GPR39: variants seen among roughly 807,000 people sequenced by gnomAD.
GPR39 encodes the protein zinc sensing receptor.
GPR39 carries 23 observed loss-of-function variants against 18.4 expected under a neutral mutation model. The ratio of observed to expected loss-of-function variants is 1.25; its 90% CI spans 0.90 to 1.77. GPR39 has a LOEUF of 1.77. Among genes scored for constraint, GPR39 ranks in the 40% most tolerant of loss-of-function variants. The probability of loss-of-function intolerance (pLI) is 0.00; values close to 1 mark genes in which losing one functional copy is unlikely to be tolerated. For missense variants in GPR39, 647 were observed against 602.4 expected (o/e 1.07, Z -0.78); for synonymous variants, 280 against 257.9 (o/e 1.09, Z -0.82).
chr2:132,635,933 C>T (rs1439909338), intron 1 of GPR39, among the ~76,000 whole-genome samples: 10 of 152,146 alleles, frequency 6.6e-5, no homozygotes, highest in East Asian at 1.9e-4. Context: ...AGCCAGGAAG[C>T]GAGCCCTCAC....
At chr2:132,471,900 G>C (rs1681039760) in intron 1 of GPR39, among the ~76,000 whole-genome samples, 1 of 152,098 alleles carries the variant, frequency 6.6e-6, no homozygotes, top group Non-Finnish European at 1.5e-5. Flanking sequence ...CTGCAAGCCA[G>C]GCAGAATACC....
chr2:132,565,292 A>C (rs1174423125), intron 1 of GPR39, among the ~76,000 whole-genome samples: 1 of 152,110 alleles, frequency 6.6e-6, no homozygotes, highest in Non-Finnish European at 1.5e-5. Context: ...TCATAGTGAA[A>C]CATCGCTCAA....
At chr2:132,600,447 A>G (rs1237795955) in intron 1 of GPR39, among the ~76,000 whole-genome samples, 3 of 152,162 alleles carry the variant, frequency 2.0e-5, no homozygotes, top group Non-Finnish European at 2.9e-5. Context: ...AATGAATGAA[A>G]CATTTTTTAA....
intron 1 of GPR39, among the ~76,000 whole-genome samples, chr2:132,511,798 C>A (rs1679245682): frequency 6.6e-6 from 1 of 152,190 alleles, no homozygotes; most frequent in South Asian, 2.1e-4. Context: ...CTCTGTGAGG[C>A]AGGCATTGTT....
intron 1 of GPR39, among the ~76,000 whole-genome samples, chr2:132,418,235 G>A (rs1314922017): frequency 1.3e-5 from 2 of 152,116 alleles, no homozygotes; most frequent in Non-Finnish European, 2.9e-5. Flanking sequence ...AGAATATGAC[G>A]GACAAATTAG....
chr2:132,450,535 G>C (rs189322693), intron 1 of GPR39, among the ~76,000 whole-genome samples: 2 of 152,342 alleles, frequency 1.3e-5, no homozygotes, highest in African/African-American at 4.8e-5. Flanking sequence ...GCACATGTAA[G>C]GTACCAGAAA....
At chr2:132,434,490 A>C (rs1057480219) in intron 1 of GPR39, among the ~76,000 whole-genome samples, 7 of 152,164 alleles carry the variant, frequency 4.6e-5, no homozygotes, top group African/African-American at 1.7e-4. Flanking sequence ...GCCCTTGGCC[A>C]CTCAGAGCCC....
intron 1 of GPR39, among the ~76,000 whole-genome samples, chr2:132,564,121 C>T (rs1416429921): frequency 6.6e-6 from 1 of 152,224 alleles, no homozygotes; most frequent in Non-Finnish European, 1.5e-5. Context: ...CATATTTATC[C>T]TCCTGGCTGA....
At chr2:132,642,644 C>G (rs968886597) in intron 1 of GPR39, among the ~76,000 whole-genome samples, 1 of 152,210 alleles carries the variant, frequency 6.6e-6, no homozygotes, top group African/African-American at 2.4e-5. Context: ...TTTCACAAGC[C>G]TGCCTTATCT....
intron 1 of GPR39, among the ~76,000 whole-genome samples, chr2:132,621,661 G>A (rs1269905758): frequency 1.3e-5 from 2 of 152,140 alleles, no homozygotes; most frequent in African/African-American, 2.4e-5. Context: ...CAGAAGGTTT[G>A]AGTATGGTGG....
At chr2:132,439,355 C>G (rs985975872) in intron 1 of GPR39, among the ~76,000 whole-genome samples, 2 of 152,198 alleles carry the variant, frequency 1.3e-5, no homozygotes, top group Non-Finnish European at 2.9e-5. Flanking sequence ...AATAACCCCT[C>G]AAACATCATT....
At chr2:132,606,699 G>A (rs962595257) in intron 1 of GPR39, among the ~76,000 whole-genome samples, 14 of 152,194 alleles carry the variant, frequency 9.2e-5, no homozygotes, top group Non-Finnish European at 1.3e-4. Flanking sequence ...CCAGCGTGCC[G>A]AAAAAATTAG....
chr2:132,521,262 C>G (rs977158672), intron 1 of GPR39, among the ~76,000 whole-genome samples: 1 of 152,186 alleles, frequency 6.6e-6, no homozygotes, highest in African/African-American at 2.4e-5. Context: ...AGACGTTGCC[C>G]CAACAAACTT....
At chr2:132,546,527 T>C (rs1208052760) in intron 1 of GPR39, among the ~76,000 whole-genome samples, 2 of 152,134 alleles carry the variant, frequency 1.3e-5, no homozygotes, top group African/African-American at 4.8e-5. Flanking sequence ...AACTGACTAA[T>C]GAATTGTAAG....
chr2:132,503,256 G>T lies in GPR39; in HGVS notation c.856+85358G>T, dbSNP rs79527592. Among the ~76,000 whole-genome samples, 986 of 152,268 alleles carry T rather than the reference G, an allele frequency of 6.5e-3. 41 individuals are homozygous for T. The East Asian group carries it at 0.12, about 19-fold the overall frequency. ...TGCTGTTCAGATTCTTTTGTCCCAA[G>T]GAGTGCTATTTTGATGTGGTGTTCT... On this transcript the variant is annotated intron_variant, in intron 1 of 1. Coordinates refer to ENST00000329321, the MANE Select transcript of GPR39 (RefSeq NM_001508.3).
chr2:132,449,116 G>A (rs977752406), intron 1 of GPR39, among the ~76,000 whole-genome samples: 24 of 152,272 alleles, frequency 1.6e-4, no homozygotes, highest in Non-Finnish European at 1.3e-4. Context: ...ATAGCAGGTG[G>A]GCAGAAACTG....
At chr2:132,532,498 G>A (rs1679659754) in intron 1 of GPR39, among the ~76,000 whole-genome samples, 1 of 152,112 alleles carries the variant, frequency 6.6e-6, no homozygotes, top group Non-Finnish European at 1.5e-5. Context: ...CATTTTATGA[G>A]GCCAGCATCA....
chr2:132,418,961 G>A (rs918776307), intron 1 of GPR39, among the ~76,000 whole-genome samples: 5 of 152,194 alleles, frequency 3.3e-5, no homozygotes, highest in African/African-American at 4.8e-5. Flanking sequence ...TGGGCAGCAG[G>A]TTCCAGGGAC....
intron 1 of GPR39, among the ~76,000 whole-genome samples, chr2:132,492,823 T>TATAC (rs1681518373): frequency 1.4e-5 from 2 of 138,302 alleles, no homozygotes; most frequent in African/African-American, 5.5e-5. Flanking sequence ...ATACCATATA[T>TATAC]ATACCATATA....
Sources: gnomAD v4.1 joint callset for allele counts (sites outside exome capture counted in the v4.1 genomes callset) on GRCh38, gnomAD v4.1.1 for gene constraint, MANE v1.5 for transcripts, NCBI Gene and HGNC (gene_info 2026-07-23, HGNC 2026-07-21) for gene names.